The following TRPM5 variants were observed in gnomAD, a reference collection of about 807,000 sequenced individuals.
TRPM5 encodes MLSN1 and TRP-related.
TRPM5 carries 121 observed loss-of-function variants against 124.9 expected under a neutral mutation model. That is an observed-to-expected ratio of 0.97 (90% CI 0.84 to 1.13). TRPM5 has a LOEUF of 1.13. Among genes scored for constraint, TRPM5 ranks in the 50% most tolerant of loss-of-function variants. The pLI, the probability that TRPM5 is intolerant of heterozygous loss-of-function variation, is 0.00. For synonymous variants in TRPM5, 781 were observed against 700.5 expected, an observed-to-expected ratio of 1.11 and a Z score of -1.81; for missense variants, 1,643 against 1,589.1, an observed-to-expected ratio of 1.03 and a Z score of -0.58.
chr11:2,418,655 G>C, intron 4 of TRPM5, 64 bp from the exon 10 acceptor site: 1 of 1,508,896 alleles, frequency 6.6e-7, no homozygotes, highest in South Asian at 1.2e-5. Flanking sequence ...CGGATCTCAG[G>C]CTCTCAGGCC....
At chr11:2,420,071 G>T in intron 4 of TRPM5, 151 bp downstream of exon 9, 1 of 262,478 alleles carries the variant, frequency 3.8e-6, no homozygotes, top group Non-Finnish European at 5.3e-6. Flanking sequence ...GGCCCCCACG[G>T]CCCAGGTCTC....
the TRPM5 span, among the ~76,000 whole-genome samples, chr11:2,435,037 G>C: frequency 1.3e-5 from 2 of 152,104 alleles, no homozygotes; most frequent in Non-Finnish European, 2.9e-5. The surrounding 1 kb of genome is among the most constrained non-coding windows in gnomAD (Gnocchi z 4.1). Context: ...TTGGACTTGA[G>C]CAATCCTCCC....
chr11:2,420,075 AGGTCTC>A lies in TRPM5; in HGVS notation c.649+141_649+146del, dbSNP rs80307103. The stretch of plus-strand genomic sequence containing the variant: ...CCCACGGCCCAGGCCCCCACGGCCC[AGGTCTC>A]GGTGCTCAGGCATGCGGGGTGCGTT... On this transcript the variant is annotated intron_variant, in intron 4 of 23. Transcript: ENST00000155858. 2.5e-3 allele frequency: 729 copies of A among 293,612 alleles called. 90 individuals carry two copies. In the African/African-American group the frequency reaches 0.044, roughly 18 times the overall value. The allele number at this position is 293,612 out of a possible 1,614,324, so 18.2% of individuals were successfully genotyped here.
chr11:2,437,812 A>G, the TRPM5 span, among the ~76,000 whole-genome samples: 86 of 152,170 alleles, frequency 5.7e-4, 1 homozygote, highest in East Asian at 0.016. The surrounding 1 kb of genome is among the most constrained non-coding windows in gnomAD (Gnocchi z 5.6). Context: ...GTCTGAGCTG[A>G]CCGGTCTTTA....
At chr11:2,426,424 C>T (rs1845840742), upstream of TRPM5, among the ~76,000 whole-genome samples, 2 of 152,152 alleles carry the variant, frequency 1.3e-5, no homozygotes, top group Admixed American at 1.3e-4. Context: ...CCCAGGTCTT[C>T]TGCACCCCTC....
At chr11:2,412,960 C>A in exon 15 of TRPM5, 4 of 1,606,094 alleles carry the variant, frequency 2.5e-6, no homozygotes, top group Non-Finnish European at 3.4e-6. Flanking sequence ...AGGAAGACAG[C>A]ACGTGGGCCT....
chr11:2,418,415 G>A (rs950974889), intron 5 of TRPM5, 57 bp from the exon 11 acceptor site: 2 of 1,517,188 alleles, frequency 1.3e-6, no homozygotes, highest in Admixed American at 2.0e-5. Flanking sequence ...ACATCTGGAT[G>A]CAGGTGTCAG....
chr11:2,421,152 ATGCCTGGCCAG>A lies in TRPM5; in HGVS notation c.334_344del (p.Leu112CysfsTer49). On this transcript the variant is annotated frameshift_variant, in exon 3 of 24. Transcript: ENST00000155858. LOFTEE classifies it high-confidence loss of function. ...AGTGGTCGCGCACGGCCTGCCCGAC[ATGCCTGGCCAG>A]GCCCACGCGGAGGGCACTGGTCAGG... 2 of 1,542,376 alleles carry A rather than the reference ATGCCTGGCCAG, an allele frequency of 1.3e-6. No homozygotes were observed. Among genetic ancestry groups the A allele is most frequent in the South Asian group, 2.4e-5 (2 of 83,960 alleles).
intron 18 of TRPM5, among the ~76,000 whole-genome samples, chr11:2,410,270 G>A (rs141523233): frequency 1.0e-3 from 155 of 152,254 alleles, no homozygotes; most frequent in Admixed American, 1.7e-3. Flanking sequence ...GCCTGTCCCC[G>A]GAGGCCTGTG....
At chr11:2,421,077 G>C (rs1361639901) in exon 3 of TRPM5, 24 of 1,549,664 alleles carry the variant, frequency 1.5e-5, no homozygotes, top group Non-Finnish European at 2.1e-5. Context: ...GGCCCAGCGA[G>C]GCCATGCCGA....
intron 23 of TRPM5, 116 bp from the exon 29 acceptor site, chr11:2,405,159 C>G (rs922077709): frequency 3.7e-6 from 3 of 800,774 alleles, no homozygotes; most frequent in Non-Finnish European, 4.0e-6. Flanking sequence ...AGAGTGAGTC[C>G]CCACAGGCCA....
upstream of TRPM5, among the ~76,000 whole-genome samples, chr11:2,426,177 G>A (rs933773610): frequency 7.9e-5 from 12 of 152,140 alleles, no homozygotes; most frequent in Admixed American, 2.6e-4. Context: ...CCTTCCTCCC[G>A]AGGACGGGAC....
intron 19 of TRPM5, 116 bp downstream of exon 24, chr11:2,407,643 A>G: frequency 7.4e-7 from 1 of 1,357,304 alleles, no homozygotes; most frequent in South Asian, 1.3e-5. Flanking sequence ...GCCCTGAGGC[A>G]CCAAGCCTCA....
chr11:2,435,603 C>G, the TRPM5 span, among the ~76,000 whole-genome samples: 2 of 151,958 alleles, frequency 1.3e-5, no homozygotes, highest in African/African-American at 2.4e-5. This position sits in a 1 kb window ranked among gnomAD's most constrained non-coding sequence, Gnocchi z 4.1. Flanking sequence ...ATCCATCCAT[C>G]CATCCATCCA....
chr11:2,411,756 G>A (rs760616993), exon 17 of TRPM5: 34 of 1,612,604 alleles, frequency 2.1e-5, no homozygotes, highest in South Asian at 2.0e-4. Flanking sequence ...CTCAAACGCC[G>A]ACGGCAGCAT....
the TRPM5 span, among the ~76,000 whole-genome samples, chr11:2,443,329 C>T: frequency 6.6e-6 from 1 of 152,216 alleles, no homozygotes; most frequent in Non-Finnish European, 1.5e-5. This position sits in a 1 kb window ranked among gnomAD's most constrained non-coding sequence, Gnocchi z 5.0. Context: ...GGCAGAGACT[C>T]CATGCAGGTG....
chr11:2,417,643 T>C, intron 7 of TRPM5, 84 bp downstream of exon 12: 1 of 1,094,708 alleles, frequency 9.1e-7, no homozygotes, highest in Admixed American at 2.1e-5. Flanking sequence ...GTCACAAACA[T>C]TGGCCAGGCT....
chr11:2,409,667 T>A (rs1256826270), intron 18 of TRPM5, among the ~76,000 whole-genome samples: 2 of 152,220 alleles, frequency 1.3e-5, no homozygotes, highest in African/African-American at 4.8e-5. Context: ...TGGGTCACAG[T>A]GAGTGGCTGG....
chr11:2,430,669 T>A, the TRPM5 span, among the ~76,000 whole-genome samples: 1 of 151,620 alleles, frequency 6.6e-6, no homozygotes, highest in Non-Finnish European at 1.5e-5. Context: ...GTGTTGATGG[T>A]GGTGGTGGTT....
Sources: gnomAD v4.1 joint callset for allele counts (sites outside exome capture counted in the v4.1 genomes callset) on GRCh38, gnomAD v4.1.1 for gene constraint, Gnocchi (gnomAD v3.1) non-coding constraint, MANE v1.5 for transcripts, NCBI Gene and HGNC (gene_info 2026-07-23, HGNC 2026-07-21) for gene names.